EXD3: variants seen among roughly 807,000 people sequenced by gnomAD.
EXD3 encodes the protein exonuclease mut-7 homolog.
EXD3 carries 92 observed loss-of-function variants against 98.0 expected under a neutral mutation model. The observed-to-expected ratio is 0.94, with a 90% confidence interval of 0.79 to 1.12. The LOEUF is 1.12. Ranked by LOEUF, EXD3 falls within the 50% of genes most tolerant of loss-of-function variation. EXD3 has a pLI of 0.00. For missense variants in EXD3, 1,222 were observed against 1,191.6 expected, an observed-to-expected ratio of 1.03 and a Z score of -0.38; for synonymous variants, 569 against 526.0, an observed-to-expected ratio of 1.08 and a Z score of -1.12.
chr9:137,306,982 G>A lies in EXD3; in HGVS notation c.2599C>T (p.Pro867Ser). The A allele has an allele frequency of 6.2e-7, 1 of 1,600,750 alleles. No homozygotes were observed. Among genetic ancestry groups the A allele is most frequent in the Non-Finnish European group, 8.5e-7 (1 of 1,172,816 alleles). ...GGACTGCTGGCCGGGCTGGGGGCTG[G>A]GCTCGGCTCGCAGGGGCTGGGGGCG... The part of the protein sequence containing the change: ...ESAPSPCEPS[P>S]APSPASSPF Residue 867 changes from proline to serine, a missense_variant, in exon 22 of 22, where the codon CCA (proline) becomes TCA (serine). Coordinates refer to ENST00000340951, the MANE Select transcript of EXD3 (RefSeq NM_017820.5).
chr9:137,310,863 C>T (rs796106959), intron 19 of EXD3, among the ~76,000 whole-genome samples: 31 of 152,262 alleles, frequency 2.0e-4, no homozygotes, highest in African/African-American at 7.2e-4. Flanking sequence ...TGCAGGGGAG[C>T]AGGGAAGAGG....
At chr9:137,355,250 G>A (rs759659231) in intron 8 of EXD3, among the ~76,000 whole-genome samples, 15 of 152,134 alleles carry the variant, frequency 9.9e-5, no homozygotes, top group African/African-American at 1.4e-4. Flanking sequence ...AGGGGGCCCC[G>A]GGGAGGGCAC....
chr9:137,394,474 C>G (rs9696776), intron 2 of EXD3, among the ~76,000 whole-genome samples: 18 of 91,698 alleles, frequency 2.0e-4, no homozygotes, highest in African/African-American at 1.1e-3. Flanking sequence ...GCTTCCCTAA[C>G]CCCGGCCTCC....
chr9:137,381,623 T>C (rs1356557996), intron 3 of EXD3, among the ~76,000 whole-genome samples: 1 of 151,992 alleles, frequency 6.6e-6, no homozygotes, highest in Non-Finnish European at 1.5e-5. Context: ...TCTCTCACGT[T>C]AGAGGAACAC....
At chr9:137,380,436 G>A (rs1422364852) in intron 3 of EXD3, among the ~76,000 whole-genome samples, 1 of 39,646 alleles carries the variant, frequency 2.5e-5, no homozygotes, top group East Asian at 9.4e-4. Context: ...CAATCCCTCC[G>A]CCAGTATCCC....
rs201959095 is a variant in EXD3 at position 137,330,622 on chromosome 9, GA to G, written c.1999-6480del. 1.5e-4 allele frequency among the ~76,000 whole-genome samples: 18 copies of G among 120,546 alleles called. 3 individuals carry two copies. The highest frequency in any genetic ancestry group is 6.0e-4 in the East Asian group (2 of 3,314). The allele number at this position is 120,546 out of a possible 152,430, so 79.1% of individuals were successfully genotyped here. A position where few individuals can be genotyped will look rare whatever the true frequency, so the allele number is the denominator to read the frequency against. On this transcript the variant is annotated intron_variant, in intron 17 of 21. Transcript: ENST00000340951. The stretch of plus-strand genomic sequence containing the variant: ...CACAGGACTACACAGGACTACACAG[GA>G]ACTACACAGGACTACACAGGAGCTA...
At chr9:137,354,852 G>A (rs1209531956) in intron 8 of EXD3, 79 bp from the exon 9 acceptor site, 3 of 1,399,526 alleles carry the variant, frequency 2.1e-6, no homozygotes, top group Non-Finnish European at 2.9e-6. Context: ...GCTGGAGACG[G>A]GCAGAGGGGC....
chr9:137,383,351 C>T lies in EXD3; in HGVS notation c.82G>A (p.Ala28Thr). The change falls in exon 3 of 22, where the codon GCC (alanine) becomes ACC (threonine). Residue 28 changes from alanine to threonine, a missense_variant. Physicochemically the swap from Ala to Thr is moderately conservative, Grantham distance 58 (BLOSUM62 0). Transcript: ENST00000340951. Reference protein sequence around the residue: ...MGRDPLLLLQALQTLWSTRER... With the variant: ...MGRDPLLLLQTLQTLWSTRER... ...CGCGTGGACCACAGGGTCTGCAGGG[C>T]CTGCAGGAGCAGGAGGGGGTCCCGG... 1 of 1,550,524 alleles carries T rather than the reference C, an allele frequency of 6.4e-7. No homozygotes were observed. Among genetic ancestry groups the T allele is most frequent in the Non-Finnish European group, 8.7e-7 (1 of 1,146,860 alleles).
At chr9:137,387,989 GCCCTGACCCTGGA>G (rs1588404231) in intron 2 of EXD3, among the ~76,000 whole-genome samples, 1 of 152,242 alleles carries the variant, frequency 6.6e-6, no homozygotes, top group African/African-American at 2.4e-5. Context: ...AGGAGGCTGG[GCCCTGACCCTGGA>G]CCCTGCCCCT....
Position 137,349,007 on chromosome 9 carries a change from G to C in EXD3, c.1830+103C>G. On this transcript the variant is annotated intron_variant, in intron 16 of 21. Transcript: ENST00000340951. This position sits in a 1 kb window ranked among gnomAD's most constrained non-coding sequence, Gnocchi z 7.4. ...TCCAGGAGCTGGGCCCCCTCCACAC[G>C]CTCTGACCCAGTGGCCTTGTCTCCA... 7.4e-7 allele frequency: 1 copy of C among 1,357,020 alleles called. No homozygotes were observed. Among genetic ancestry groups the C allele is most frequent in the Non-Finnish European group, 9.8e-7 (1 of 1,020,366 alleles). The allele number at this position is 1,357,020 out of a possible 1,614,324, so 84.1% of individuals were successfully genotyped here.
Position 137,306,998 on chromosome 9 carries a change from G to T in EXD3, c.2583C>A (p.Ser861Arg), listed in dbSNP as rs749820023. The T allele has an allele frequency of 3.1e-6, 5 of 1,610,162 alleles. No homozygotes were observed. Among genetic ancestry groups the T allele is most frequent in the Non-Finnish European group, 4.2e-6 (5 of 1,178,388 alleles). Residue 861 changes from serine (S) to arginine (R), a missense_variant, in exon 22 of 22, where the codon AGC becomes AGA. Transcript: ENST00000340951. ...HFRDMLESAPSPCEPSPAPSP... is the reference protein window; with the variant it reads ...HFRDMLESAPRPCEPSPAPSP... The stretch of plus-strand genomic sequence containing the variant: ...TGGGGGCTGGGCTCGGCTCGCAGGG[G>T]CTGGGGGCGCTCTCCAGCATGTCTC...
At chr9:137,390,147 A>AT (rs61386749) in intron 2 of EXD3, among the ~76,000 whole-genome samples, 54 of 141,272 alleles carry the variant, frequency 3.8e-4, no homozygotes, top group African/African-American at 1.4e-3. Context: ...AAAAAAAAAA[A>AT]TGGCCGGGCG....
chr9:137,383,987 C>T (rs1319953102), intron 2 of EXD3, among the ~76,000 whole-genome samples: 2 of 152,112 alleles, frequency 1.3e-5, no homozygotes, highest in African/African-American at 2.4e-5. Context: ...GCTTGGAGGC[C>T]GGTGGTGCAG....
chr9:137,406,913 C>T (rs1837741348), intron 1 of EXD3, among the ~76,000 whole-genome samples: 2 of 152,044 alleles, frequency 1.3e-5, no homozygotes, highest in Non-Finnish European at 2.9e-5. Flanking sequence ...GGGGACCCGA[C>T]GGGGCAGCCC....
At chr9:137,326,119 G>C (rs1303883715) in intron 17 of EXD3, among the ~76,000 whole-genome samples, 1 of 151,700 alleles carries the variant, frequency 6.6e-6, no homozygotes, top group Non-Finnish European at 1.5e-5. Context: ...AGACACAGGG[G>C]AACACTTCCT....
Position 137,393,406 on chromosome 9 carries a change from G to A in EXD3, c.55+1897C>T, listed in dbSNP as rs1837042802. Among the ~76,000 whole-genome samples the A allele has an allele frequency of 6.6e-6, 1 of 152,158 alleles. No homozygotes were observed. The highest frequency in any genetic ancestry group is 1.5e-5 in the Non-Finnish European group (1 of 68,004). ...GGTGGATGAACGGAAGGGTGAGGGG[G>A]TCTGGGCCCATCCCCAGAGGGGCAG... On this transcript the variant is annotated intron_variant, in intron 2 of 21. Coordinates refer to ENST00000340951, the MANE Select transcript of EXD3 (RefSeq NM_017820.5). The surrounding 1 kb of genome is among the most constrained non-coding windows in gnomAD (Gnocchi z 4.6).
chr9:137,324,183 C>G lies in EXD3; in HGVS notation c.1999-40G>C. On this transcript the variant is annotated intron_variant, in intron 17 of 21. Transcript: ENST00000340951. The surrounding 1 kb of genome is among the most constrained non-coding windows in gnomAD (Gnocchi z 4.1). ...CGACCAGCACATAAAGGGGGCAGCT[C>G]CGTGCTCCTGGACTGGGCCACCTCT... is the stretch of plus-strand genomic sequence containing the variant. 6.5e-7 allele frequency: 1 copy of G among 1,536,310 alleles called. No individual in the cohort carries two copies. Among genetic ancestry groups the G allele is most frequent in the South Asian group, 1.2e-5 (1 of 83,844 alleles).
intron 17 of EXD3, among the ~76,000 whole-genome samples, chr9:137,330,595 TAC>T (rs1293487717): frequency 7.4e-6 from 1 of 134,894 alleles, no homozygotes; most frequent in African/African-American, 2.8e-5. Flanking sequence ...TACACAGGAC[TAC>T]ACAGGACTAC....
At chr9:137,340,257 C>G (rs1833575228) in intron 17 of EXD3, among the ~76,000 whole-genome samples, 2 of 152,090 alleles carry the variant, frequency 1.3e-5, no homozygotes, top group African/African-American at 4.8e-5. Context: ...GCGGGCGGAT[C>G]ATGAGGTCAA....
Sources: allele counts gnomAD v4.1 joint callset (sites outside exome capture counted in the v4.1 genomes callset), GRCh38; gene constraint gnomAD v4.1.1; non-coding constraint Gnocchi (gnomAD v3.1); transcripts MANE v1.5; gene names NCBI Gene and HGNC (gene_info 2026-07-23, HGNC 2026-07-21).